Variants in SPTLC2 observed in about 807,000 individuals in gnomAD.
The protein encoded by SPTLC2 is serine palmitoyltransferase long chain base subunit 2, also known as serine palmitoyltransferase 2.
In SPTLC2, 21 loss-of-function variants were observed where a neutral mutation model predicts 62.0. That is an observed-to-expected ratio of 0.34 (90% CI 0.24 to 0.49). SPTLC2 has a LOEUF of 0.49. Among genes scored for constraint, SPTLC2 ranks in the 20% least tolerant of loss-of-function variants. SPTLC2 has a pLI of 0.99. For missense variants in SPTLC2, 511 were observed against 713.0 expected (o/e 0.72, Z 3.23); for synonymous variants, 261 against 261.8 (o/e 1.00, Z 0.03).
chr14:77,518,323 C>T (rs909274211), intron 10 of SPTLC2, among the ~76,000 whole-genome samples, 156 bp from the exon 11 acceptor site: 3 of 152,172 alleles, frequency 2.0e-5, no homozygotes, highest in African/African-American at 7.2e-5. Flanking sequence ...TTAAAATTGA[C>T]AGCTCACAAA....
At chr14:77,615,681 T>C (rs1021126687) in intron 1 of SPTLC2, among the ~76,000 whole-genome samples, 1 of 152,246 alleles carries the variant, frequency 6.6e-6, no homozygotes, top group African/African-American at 2.4e-5. Flanking sequence ...CAAAATATTT[T>C]AGAACTGCCT....
At chr14:77,589,064 A>G (rs1238541356) in intron 2 of SPTLC2, among the ~76,000 whole-genome samples, 1 of 151,614 alleles carries the variant, frequency 6.6e-6, no homozygotes, top group Non-Finnish European at 1.5e-5. Flanking sequence ...GGAAAAGGAA[A>G]GCATTATAAA....
chr14:77,535,652 C>T, intron 9 of SPTLC2: 1 of 191,350 alleles, frequency 5.2e-6, no homozygotes, highest in Non-Finnish European at 1.1e-5. Flanking sequence ...GGTATGAGAC[C>T]AACATGGACC....
intron 9 of SPTLC2, among the ~76,000 whole-genome samples, chr14:77,551,580 T>C (rs2140017194): frequency 6.6e-6 from 1 of 152,262 alleles, no homozygotes; most frequent in East Asian, 1.9e-4. Context: ...AACTTCACTG[T>C]TCACAGTAGT....
At chr14:77,603,134 G>A (rs1256533704) in intron 1 of SPTLC2, among the ~76,000 whole-genome samples, 1 of 152,190 alleles carries the variant, frequency 6.6e-6, no homozygotes, top group Non-Finnish European at 1.5e-5. Flanking sequence ...TTAGGAAACA[G>A]AAGCACACAT....
intron 2 of SPTLC2, among the ~76,000 whole-genome samples, chr14:77,584,501 C>T (rs1345995232): frequency 1.5e-5 from 2 of 130,168 alleles, no homozygotes; most frequent in South Asian, 2.5e-4. Flanking sequence ...ACATACTCTG[C>T]ACACTCTTAA....
chr14:77,560,894 C>T (rs1023098683), intron 6 of SPTLC2, among the ~76,000 whole-genome samples: 2 of 28,522 alleles, frequency 7.0e-5, no homozygotes, highest in Non-Finnish European at 2.2e-4. Context: ...GGGTAAGGTT[C>T]GAAAAACTAC....
chr14:77,549,864 C>A (rs1400184239), intron 9 of SPTLC2, among the ~76,000 whole-genome samples: 1 of 152,216 alleles, frequency 6.6e-6, no homozygotes, highest in East Asian at 1.9e-4. Flanking sequence ...ATGTGTCACA[C>A]AGATCCATGT....
Position 77,565,242 on chromosome 14 carries a change from CAAAAAAAAAAAAAAAA to C in SPTLC2, c.757-2769_757-2754del, listed in dbSNP as rs59356054. On this transcript the variant is annotated intron_variant, in intron 5 of 11. Transcript: ENST00000216484. ...GGGCAACAAGAGCAAAACTCCATCT[CAAAAAAAAAAAAAAAA>C]AAAAAAAAAAGAACACCAAGGTAAT... Among the ~76,000 whole-genome samples the C allele has an allele frequency of 4.2e-4, 14 of 33,706 alleles. No homozygotes were observed. In the South Asian group the frequency reaches 0.021, roughly 50 times the overall value. 22.1% of individuals were successfully genotyped at this position (33,706 alleles called of 152,430 possible).
At chr14:77,531,025 T>C (rs764732796) in intron 9 of SPTLC2, among the ~76,000 whole-genome samples, 2 of 152,188 alleles carry the variant, frequency 1.3e-5, no homozygotes, top group Admixed American at 1.3e-4. Flanking sequence ...GTCTACTACA[T>C]CATGCAGAAT....
chr14:77,584,405 CTGAG>C (rs2079769906), intron 2 of SPTLC2, among the ~76,000 whole-genome samples: 1 of 152,184 alleles, frequency 6.6e-6, no homozygotes, highest in Non-Finnish European at 1.5e-5. Flanking sequence ...TGCCCATCTA[CTGAG>C]TATTTATGAC....
intron 7 of SPTLC2, among the ~76,000 whole-genome samples, chr14:77,556,345 A>G (rs892970437): frequency 2.8e-4 from 15 of 54,214 alleles, no homozygotes; most frequent in African/African-American, 1.2e-3. Context: ...CCAAAAAACA[A>G]AAAACAAGCA....
At chr14:77,562,522 C>G in intron 5 of SPTLC2, 33 bp from the exon 6 acceptor site, 1 of 1,577,474 alleles carries the variant, frequency 6.3e-7, no homozygotes, top group South Asian at 1.1e-5. Flanking sequence ...AGGTAAGAAG[C>G]TGGAGGGGAA....
chr14:77,532,701 G>A (rs895086248), intron 9 of SPTLC2, among the ~76,000 whole-genome samples: 82 of 151,932 alleles, frequency 5.4e-4, no homozygotes, highest in Non-Finnish European at 4.1e-4. Flanking sequence ...GGAGAATGGT[G>A]TGAACCCAGG....
At chr14:77,586,160 T>C (rs974865311) in intron 2 of SPTLC2, among the ~76,000 whole-genome samples, 3 of 150,986 alleles carry the variant, frequency 2.0e-5, no homozygotes, top group Non-Finnish European at 4.4e-5. Context: ...ACTGCAACAT[T>C]CGCCTCCTGG....
chr14:77,553,235 C>A (rs1017016492), intron 8 of SPTLC2, among the ~76,000 whole-genome samples: 2 of 151,996 alleles, frequency 1.3e-5, no homozygotes, highest in Non-Finnish European at 2.9e-5. Flanking sequence ...TAGGGGGACA[C>A]AAATGTGGCT....
chr14:77,551,715 AG>A (rs2079556643), intron 9 of SPTLC2, among the ~76,000 whole-genome samples: 1 of 152,240 alleles, frequency 6.6e-6, no homozygotes, highest in African/African-American at 2.4e-5. Context: ...GCATTAAATC[AG>A]GAATACTAAT....
chr14:77,563,824 T>C (rs1810997380), intron 5 of SPTLC2, among the ~76,000 whole-genome samples: 1 of 152,244 alleles, frequency 6.6e-6, no homozygotes, highest in Non-Finnish European at 1.5e-5. Flanking sequence ...ACTATATATA[T>C]ACATGCTTAT....
intron 5 of SPTLC2, among the ~76,000 whole-genome samples, chr14:77,566,382 T>C (rs2079644970): frequency 6.6e-6 from 1 of 152,214 alleles, no homozygotes; most frequent in South Asian, 2.1e-4. Context: ...TCACAATAAT[T>C]CTATGTAGCA....
Sources: gnomAD v4.1 joint callset for allele counts (sites outside exome capture counted in the v4.1 genomes callset) on GRCh38, gnomAD v4.1.1 for gene constraint, MANE v1.5 for transcripts, NCBI Gene and HGNC (gene_info 2026-07-23, HGNC 2026-07-21) for gene names.